Variants in UNC13C observed in about 807,000 individuals in gnomAD.
UNC13C encodes the protein unc-13 homolog C.
In UNC13C, 174 loss-of-function variants were observed where a neutral mutation model predicts 245.4. That is an observed-to-expected ratio of 0.71 (90% CI 0.63 to 0.80). UNC13C has a LOEUF of 0.80. Ranked by LOEUF, UNC13C falls within the 30% of genes least tolerant of loss-of-function variation. The pLI, the probability that UNC13C is intolerant of heterozygous loss-of-function variation, is 0.00. For missense variants in UNC13C, 2,829 were observed against 2,602.9 expected (o/e 1.09, Z -1.89); for synonymous variants, 992 against 895.1 (o/e 1.11, Z -1.93).
chr15:54,429,724 G>C (rs2040833098), intron 19 of UNC13C, among the ~76,000 whole-genome samples: 1 of 151,466 alleles, frequency 6.6e-6, no homozygotes, highest in Non-Finnish European at 1.5e-5. Flanking sequence ...ATCTCCATGG[G>C]AATTTGATAT....
chr15:54,153,609 C>G (rs916471900), intron 4 of UNC13C, among the ~76,000 whole-genome samples: 4 of 152,018 alleles, frequency 2.6e-5, no homozygotes, highest in Admixed American at 6.5e-5. Context: ...ATGCTCATTT[C>G]TGGATCTGTT....
intron 30 of UNC13C, among the ~76,000 whole-genome samples, chr15:54,588,589 C>A (rs888918341): frequency 2.0e-5 from 3 of 152,188 alleles, no homozygotes; most frequent in Admixed American, 6.5e-5. Flanking sequence ...TGTATACTCA[C>A]CCAAGGAGTA....
chr15:54,362,936 G>T (rs1010334982), intron 17 of UNC13C, among the ~76,000 whole-genome samples: 1 of 152,142 alleles, frequency 6.6e-6, no homozygotes, highest in Non-Finnish European at 1.5e-5. Flanking sequence ...GGATGTGTTA[G>T]GGAAAAGAAG....
At chr15:53,965,629 A>G in the UNC13C span, among the ~76,000 whole-genome samples, 1 of 150,992 alleles carries the variant, frequency 6.6e-6, no homozygotes, top group African/African-American at 2.4e-5. Context: ...TGTTAGTTAC[A>G]TATGTATACA....
intron 4 of UNC13C, among the ~76,000 whole-genome samples, chr15:54,196,359 C>T (rs937466568): frequency 6.6e-6 from 1 of 151,350 alleles, no homozygotes; most frequent in African/African-American, 2.4e-5. Context: ...AAAAAAAAAT[C>T]CTGCAACCTC....
At chr15:53,873,012 G>C in the UNC13C span, among the ~76,000 whole-genome samples, 2 of 152,118 alleles carry the variant, frequency 1.3e-5, no homozygotes, top group African/African-American at 4.8e-5. Context: ...CCTTCCACAG[G>C]CTTCATCCAT....
intron 28 of UNC13C, among the ~76,000 whole-genome samples, chr15:54,551,944 C>G (rs1429744492): frequency 6.6e-6 from 1 of 151,400 alleles, no homozygotes; most frequent in Non-Finnish European, 1.5e-5. Context: ...AAATGTTAAA[C>G]TATGGGTCTT....
intron 8 of UNC13C, among the ~76,000 whole-genome samples, chr15:54,261,448 C>G (rs1044692187): frequency 6.6e-6 from 1 of 152,220 alleles, no homozygotes; most frequent in Non-Finnish European, 1.5e-5. Context: ...GAATTTGTCT[C>G]TATCTCTGAG....
chr15:54,503,609 T>C lies in UNC13C; in HGVS notation c.5301+2631T>C, dbSNP rs548496525. Among the ~76,000 whole-genome samples, 83 of 152,186 alleles carry C rather than the reference T, an allele frequency of 5.5e-4. 2 individuals are homozygous for C. The South Asian group carries it at 0.017, about 30-fold the overall frequency. On this transcript the variant is annotated intron_variant, in intron 22 of 32. Coordinates refer to ENST00000260323, the MANE Select transcript of UNC13C (RefSeq NM_001080534.3). ...CACCATACCCGGCTAATTTTTTGCA[T>C]TTTTAGTAGAGACAGGGTTTCTCCA...
intron 13 of UNC13C, among the ~76,000 whole-genome samples, chr15:54,310,852 A>G (rs2037853987): frequency 6.6e-6 from 1 of 151,702 alleles, no homozygotes; most frequent in South Asian, 2.1e-4. Flanking sequence ...AAAGAAATGT[A>G]GCCACTAATA....
intron 1 of UNC13C, among the ~76,000 whole-genome samples, chr15:53,980,068 ATTG>A (rs1893864746): frequency 6.6e-6 from 1 of 152,162 alleles, no homozygotes; most frequent in Non-Finnish European, 1.5e-5. Context: ...GCTTTTAATT[ATTG>A]TTGTTCCCAC....
At chr15:53,936,976 C>T in the UNC13C span, among the ~76,000 whole-genome samples, 33 of 152,156 alleles carry the variant, frequency 2.2e-4, no homozygotes, top group African/African-American at 8.0e-4. Flanking sequence ...TGCCTCTTCT[C>T]CTCCAAATGA....
intron 2 of UNC13C, among the ~76,000 whole-genome samples, chr15:54,066,933 T>C (rs1566987725): frequency 6.6e-6 from 1 of 152,062 alleles, no homozygotes; most frequent in African/African-American, 2.4e-5. Context: ...AAAATTGTTT[T>C]CTTTTTTTTT....
At chr15:54,361,395 C>G (rs1168431272) in intron 17 of UNC13C, among the ~76,000 whole-genome samples, 1 of 151,970 alleles carries the variant, frequency 6.6e-6, no homozygotes, top group Non-Finnish European at 1.5e-5. Flanking sequence ...AGATTATTTT[C>G]CAAATTTCAT....
chr15:54,552,669 C>CAA (rs1555394121), intron 28 of UNC13C, among the ~76,000 whole-genome samples: 2,731 of 70,350 alleles, frequency 0.039, 275 homozygotes, highest in African/African-American at 0.16. Flanking sequence ...TTATATTGTA[C>CAA]TATATAATAT....
At chr15:54,064,685 G>T (rs1355295006) in intron 2 of UNC13C, among the ~76,000 whole-genome samples, 1 of 152,156 alleles carries the variant, frequency 6.6e-6, no homozygotes, top group Admixed American at 6.6e-5. Context: ...CAATCTATCA[G>T]CAGGAACCAC....
rs896526894 is a variant in UNC13C, at chr15:54,110,147, G to A, written c.2984-32871G>A. ...ATAAAAAAATTAGCCAGGCCTGGTA[G>A]CACACACCTATAATCATAGCTACTC... is the stretch of plus-strand genomic sequence containing the variant. On this transcript the variant is annotated intron_variant, in intron 2 of 32. Transcript: ENST00000260323. Among the ~76,000 whole-genome samples the A allele has an allele frequency of 5.9e-5, 9 of 151,918 alleles. No individual in the cohort carries two copies. In the South Asian group the frequency reaches 6.2e-4, roughly 10 times the overall value.
the UNC13C span, among the ~76,000 whole-genome samples, chr15:53,938,595 T>C: frequency 3.7e-3 from 560 of 152,156 alleles, 8 homozygotes; most frequent in African/African-American, 0.013. Context: ...CCAAAATTGG[T>C]CACATAATAA....
intron 17 of UNC13C, among the ~76,000 whole-genome samples, chr15:54,353,099 A>C (rs2039020330): frequency 6.6e-6 from 1 of 152,168 alleles, no homozygotes. Flanking sequence ...CAATAAATAA[A>C]ATTTGTTGAC....
Sources: gnomAD v4.1 joint callset for allele counts (sites outside exome capture counted in the v4.1 genomes callset) on GRCh38, gnomAD v4.1.1 for gene constraint, MANE v1.5 for transcripts, NCBI Gene and HGNC (gene_info 2026-07-23, HGNC 2026-07-21) for gene names.